NUP58: variants seen among roughly 807,000 people sequenced by gnomAD.
NUP58 encodes nucleoporin p58/p45.
In NUP58, 17 loss-of-function variants were observed where a neutral mutation model predicts 70.1. That is an observed-to-expected ratio of 0.24 (90% confidence interval 0.17 to 0.36). The LOEUF (loss-of-function observed/expected upper bound fraction) is 0.36, where lower values mean the gene tolerates loss of function less well. NUP58 is among the 10% of genes least tolerant of loss of function. The pLI is 1.00. For synonymous variants in NUP58, 275 were observed against 257.6 expected (o/e 1.07, Z -0.65); for missense variants, 644 against 701.5 (o/e 0.92, Z 0.93).
intron 2 of NUP58, 186 bp downstream of exon 2, chr13:25,308,134 C>G (rs2030467514): frequency 1.9e-6 from 1 of 512,930 alleles, no homozygotes; most frequent in African/African-American, 1.9e-5. Flanking sequence ...CATTGACTGT[C>G]ATCTACTCTG....
In NUP58 at chr13:25,307,943, A is replaced by G. The variant is rs1224669948; in HGVS notation, c.245A>G (p.Asn82Ser). ...PATGFTLGGT[N>S]TGIATTITTG... is the part of the protein sequence containing the mutation. ...ACTGGGTTCACTCTAGGAGGAACAA[A>G]TACAGGTGAGGAGGATCTGATCACA... Residue 82 changes from asparagine (N) to serine (S), a missense_variant, in exon 2 of 16, where the codon AAT (asparagine) becomes AGT (serine). Asn to Ser is a conservative substitution (Grantham distance 46, BLOSUM62 1). Around this residue, in one of 4 missense-constraint regions of NUP58, gnomAD observed 430 missense variants for 409.2 expected, o/e 1.05. Coordinates refer to ENST00000381736, the MANE Select transcript of NUP58 (RefSeq NM_014089.4). 2 of 1,613,934 alleles carry G rather than the reference A, an allele frequency of 1.2e-6. No individual in the cohort carries two copies. Among genetic ancestry groups the G allele is most frequent in the African/African-American group, 1.3e-5 (1 of 74,934 alleles).
intron 3 of NUP58, chr13:25,310,068 G>C: frequency 2.7e-6 from 1 of 365,822 alleles, no homozygotes. Context: ...TATCAGACAG[G>C]TTCTTCCTCT....
chr13:25,320,656 G>A, intron 8 of NUP58, 61 bp downstream of exon 8: 1 of 1,228,704 alleles, frequency 8.1e-7, no homozygotes, highest in South Asian at 1.3e-5. Context: ...CTTCTTAAGG[G>A]GAGCATCTCT....
intron 9 of NUP58, among the ~76,000 whole-genome samples, chr13:25,323,429 G>A (rs2031269060): frequency 2.7e-5 from 4 of 150,106 alleles, no homozygotes; most frequent in African/African-American, 7.3e-5. Flanking sequence ...AGGGGAAGAA[G>A]AAAAAGAGAA....
intron 1 of NUP58, 22 bp downstream of exon 1, chr13:25,301,902 C>T (rs867746775): frequency 7.8e-6 from 12 of 1,543,370 alleles, no homozygotes; most frequent in Middle Eastern, 1.7e-4. Flanking sequence ...TTCTCGCCTT[C>T]CTGGGCCGGA....
intron 1 of NUP58, among the ~76,000 whole-genome samples, chr13:25,305,155 TTTTTTTGAGACAGGGCCTTGCCC>T (rs2030280259): frequency 8.5e-6 from 1 of 118,198 alleles, no homozygotes; most frequent in African/African-American, 3.6e-5. Context: ...TTTTTTTTTT[TTTTTTTGAGACAGGGCCTTGCCC>T]TGTCTCCCAG....
At chr13:25,302,118 C>T (rs539117278) in intron 1 of NUP58, among the ~76,000 whole-genome samples, 1 of 152,380 alleles carries the variant, frequency 6.6e-6, no homozygotes, top group Admixed American at 6.5e-5. Flanking sequence ...CCAGAATCCA[C>T]GTATAGTTCA....
intron 13 of NUP58, chr13:25,334,352 G>A: frequency 1.0e-6 from 1 of 985,320 alleles, no homozygotes; most frequent in Admixed American, 6.1e-5. Context: ...AAGAGTTCTT[G>A]ATGTTTACAT....
downstream of NUP58, among the ~76,000 whole-genome samples, chr13:25,344,947 T>C (rs370860371): frequency 1.3e-5 from 2 of 152,188 alleles, no homozygotes; most frequent in Non-Finnish European, 2.9e-5. Context: ...GACAGGCTTA[T>C]TCAGTCACAG....
chr13:25,317,582 AATGTC>A (rs2030990199), intron 6 of NUP58: 1 of 152,204 alleles, frequency 6.6e-6, no homozygotes, highest in Non-Finnish European at 1.5e-5. Context: ...AATATAATAA[AATGTC>A]ATATCAAAGA....
In NUP58 at chr13:25,332,854, A is replaced by G. The variant is rs116374926; in HGVS notation, c.1435+1296A>G. 1,654 of 985,418 alleles carry G rather than the reference A, an allele frequency of 1.7e-3. 26 individuals are homozygous for G. The African/African-American group carries it at 0.026, about 15-fold the overall frequency. The allele number at this position is 985,418 out of a possible 1,614,324, so 61.0% of individuals were successfully genotyped here. A position where few individuals can be genotyped will look rare whatever the true frequency, so the allele number is the denominator to read the frequency against. On this transcript the variant is annotated intron_variant, in intron 13 of 15. Coordinates refer to ENST00000381736, the MANE Select transcript of NUP58 (RefSeq NM_014089.4). The stretch of plus-strand genomic sequence containing the variant: ...CCTTTGAGGATTGATATTTCTTCTT[A>G]AAAGGATTCAATCCCATAATTATGA...
chr13:25,342,831 TCTTTA>T (rs1043775990), downstream of NUP58, among the ~76,000 whole-genome samples: 6 of 152,258 alleles, frequency 3.9e-5, no homozygotes, highest in South Asian at 4.1e-4. Context: ...CTTGGATCCC[TCTTTA>T]CTTTTTTAAC....
intron 7 of NUP58, among the ~76,000 whole-genome samples, chr13:25,319,805 A>G (rs946230658): frequency 6.6e-6 from 1 of 152,064 alleles, no homozygotes; most frequent in Non-Finnish European, 1.5e-5. Flanking sequence ...TACCAATTAT[A>G]TTTTCTCACA....
chr13:25,321,946 A>G (rs2031204600), intron 9 of NUP58, among the ~76,000 whole-genome samples: 1 of 152,138 alleles, frequency 6.6e-6, no homozygotes, highest in African/African-American at 2.4e-5. Flanking sequence ...ATAAATAGTA[A>G]TGTGGCTAAT....
rs568528686 is a variant in NUP58 at position 25,301,631 on chromosome 13, G to C, written c.-143G>C. 8 of 450,926 alleles carry C rather than the reference G, an allele frequency of 1.8e-5. No homozygotes were observed. The highest frequency in any genetic ancestry group is 2.3e-5 in the Non-Finnish European group (6 of 255,952). 27.9% of individuals were successfully genotyped at this position (450,926 alleles called of 1,614,324 possible). A position where few individuals can be genotyped will look rare whatever the true frequency, so the allele number is the denominator to read the frequency against. On this transcript the variant is annotated 5_prime_UTR_variant, in exon 1 of 16. Transcript: ENST00000381736. ...GTGGTTGCTCCACCCCCTCAGCCTT[G>C]CCTTCGCCGCCGTTGGGGCTGGAAG...
At chr13:25,347,775 T>G (rs1415098005) in intron 3 of NUP58, among the ~76,000 whole-genome samples, 1 of 152,162 alleles carries the variant, frequency 6.6e-6, no homozygotes, top group Admixed American at 6.5e-5. Flanking sequence ...TAATAAAAAT[T>G]CTTTCAAATC....
rs756005277 is a variant in NUP58 at position 25,338,618 on chromosome 13, C to G, written c.1535-18C>G. 9 of 1,582,420 alleles carry G rather than the reference C, an allele frequency of 5.7e-6. No homozygotes were observed. In the Admixed American group the frequency reaches 6.7e-5, roughly 12 times the overall value. ...GTTTTATGTGCCATTGTATATTTTT[C>G]TATTACCCTTCCACTAGGATTTGGA... On this transcript the variant is annotated intron_variant, in intron 14 of 15. Coordinates refer to ENST00000381736, the MANE Select transcript of NUP58 (RefSeq NM_014089.4).
intron 15 of NUP58, among the ~76,000 whole-genome samples, chr13:25,339,408 G>A (rs1027406475): frequency 6.6e-5 from 10 of 152,128 alleles, no homozygotes; most frequent in African/African-American, 2.2e-4. Flanking sequence ...ATAATAATAG[G>A]ATTCCATGTT....
Position 25,340,041 on chromosome 13 carries a change from G to A in NUP58, c.1707G>A (p.Gly569=). The A allele has an allele frequency of 6.2e-7, 1 of 1,613,832 alleles. No homozygotes were observed. The highest frequency in any genetic ancestry group is 1.7e-4 in the Middle Eastern group (1 of 6,056). Residue 569 remains glycine, a synonymous_variant, in exon 16 of 16, where the codon GGG becomes GGA. Coordinates refer to ENST00000381736, the MANE Select transcript of NUP58 (RefSeq NM_014089.4). ...CGGCATCAGCTGGTTTGACTTTTGG[G>A]GTGTCCAATCCTGCCTCTGCAGGTT... ...GITASAGLTF[G]VSNPASAGFG...
Sources: allele counts gnomAD v4.1 joint callset (sites outside exome capture counted in the v4.1 genomes callset), GRCh38; gene constraint gnomAD v4.1.1; regional missense constraint gnomAD v4.1.1; transcripts MANE v1.5; gene names NCBI Gene and HGNC (gene_info 2026-07-23, HGNC 2026-07-21).